ABCA4: variants seen among roughly 807,000 people sequenced by gnomAD.
The protein encoded by ABCA4 is ATP binding cassette subfamily A member 4, also known as retinal-specific phospholipid-transporting ATPase ABCA4.
A neutral mutation model predicts 263.7 loss-of-function variants in ABCA4; 196 were observed. That is an observed-to-expected ratio of 0.74 (90% CI 0.66 to 0.84). The LOEUF (loss-of-function observed/expected upper bound fraction) is 0.84. ABCA4 is among the 40% of genes least tolerant of loss of function. ABCA4 has a pLI of 0.00. For missense variants in ABCA4, 2,792 were observed against 2,855.1 expected, an observed-to-expected ratio of 0.98 and a Z score of 0.50; for synonymous variants, 1,133 against 1,094.2, an observed-to-expected ratio of 1.04 and a Z score of -0.70.
At chr1:94,072,667 T>G (rs1661436319) in intron 11 of ABCA4, among the ~76,000 whole-genome samples, 2 of 152,186 alleles carry the variant, frequency 1.3e-5, no homozygotes, top group African/African-American at 4.8e-5. Context: ...TATTTGCCTG[T>G]ATGAGGACCC....
In ABCA4 at chr1:94,063,406, G is replaced by A. The variant is rs138943027; in HGVS notation, c.1555-89C>T. On this transcript the variant is annotated intron_variant, in intron 11 of 49. Transcript: ENST00000370225. ...CACAGAAAGTCACAGGATAAGGGCT[G>A]CTGTCCCAGGAAATGGTCAAATGCA... 5.7e-5 allele frequency: 73 copies of A among 1,284,860 alleles called. 1 individual carries two copies. In the East Asian group the frequency reaches 1.6e-3, roughly 28 times the overall value. 79.6% of individuals were successfully genotyped at this position (1,284,860 alleles called of 1,614,324 possible). A position where few individuals can be genotyped will look rare whatever the true frequency, so the allele number is the denominator to read the frequency against.
Position 94,002,786 on chromosome 1 carries a change from G to A in ABCA4, c.6148-794C>T, listed in dbSNP as rs74102060. On this transcript the variant is annotated intron_variant, in intron 44 of 49. Coordinates refer to ENST00000370225, the MANE Select transcript of ABCA4 (RefSeq NM_000350.3). ...ACCTCAAAATGCAAACCCTGCCCCA[G>A]CAGTTCCTCCCTGCGTTACTTTTCC... Among the ~76,000 whole-genome samples the A allele has an allele frequency of 0.13, 19,377 of 152,000 alleles. 2,056 individuals carry two copies. Among genetic ancestry groups the A allele is most frequent in the African/African-American group, 0.29 (12,095 of 41,372 alleles).
rs773330082 is a variant in ABCA4, at chr1:94,046,972, CT to C, written c.2864del (p.Glu955GlyfsTer22). 1 of 1,614,146 alleles carries C rather than the reference CT, an allele frequency of 6.2e-7. No homozygotes were observed. On this transcript the variant is annotated frameshift_variant, in exon 19 of 50. Coordinates refer to ENST00000370225, the MANE Select transcript of ABCA4 (RefSeq NM_000350.3). LOFTEE classifies it high-confidence loss of function. ...GGCCCAGGAATGCGGTGATCTGGTT[CT>C]CGTAGAAGGTGATGTTCAGACGGTC... Reference protein sequence around the residue: ...AVDRLNITFYENQITAFLGHN... With the variant: ...AVDRLNITFYXNQITAFLGHN...
In ABCA4 at chr1:94,025,148, G is replaced by A. The variant is rs1325886963; in HGVS notation, c.4540-100C>T. 3 of 945,680 alleles carry A rather than the reference G, an allele frequency of 3.2e-6. No homozygotes were observed. In the African/African-American group the frequency reaches 4.8e-5, roughly 15 times the overall value. 58.6% of individuals were successfully genotyped at this position (945,680 alleles called of 1,614,324 possible). A position where few individuals can be genotyped will look rare whatever the true frequency, so the allele number is the denominator to read the frequency against. On this transcript the variant is annotated intron_variant, in intron 30 of 49. Coordinates refer to ENST00000370225, the MANE Select transcript of ABCA4 (RefSeq NM_000350.3). ...GTCTTCCAAAAATTATTTATGGATT[G>A]AGCTGCTGAGAAAATACTAAATAAA...
Position 94,121,134 on chromosome 1 carries a change from CCGGACG to C in ABCA4, c.-95_-90del. ...AACGCCGTTAAGAGCGCCTCTGGCTCCGGACGCTGTGTCCTTCTCCTGGTGATTAAA... is the reference window on the plus strand; with the variant it reads ...AACGCCGTTAAGAGCGCCTCTGGCTCCTGTGTCCTTCTCCTGGTGATTAAA... On this transcript the variant is annotated 5_prime_UTR_variant, in exon 1 of 50. Coordinates refer to ENST00000370225, the MANE Select transcript of ABCA4 (RefSeq NM_000350.3). 8.5e-7 allele frequency: 1 copy of C among 1,178,638 alleles called. No individual in the cohort carries two copies. The highest frequency in any genetic ancestry group is 1.2e-5 in the South Asian group (1 of 82,224). The allele number at this position is 1,178,638 out of a possible 1,614,324, so 73.0% of individuals were successfully genotyped here.
chr1:94,032,138 T>A (rs1660225277), intron 26 of ABCA4, 95 bp from the exon 27 acceptor site: 6 of 1,477,814 alleles, frequency 4.1e-6, no homozygotes, highest in Non-Finnish European at 4.7e-6. Context: ...TTGATTTTCC[T>A]CTTCATTTAA....
chr1:94,112,178 TC>T (rs1570433778), intron 2 of ABCA4, among the ~76,000 whole-genome samples: 1 of 152,192 alleles, frequency 6.6e-6, no homozygotes, highest in East Asian at 1.9e-4. Flanking sequence ...GTGAAGGCTT[TC>T]CCACAGGGGC....
chr1:94,055,275 T>A lies in ABCA4; in HGVS notation c.2423A>T (p.Tyr808Phe), dbSNP rs1317347413. The A allele has an allele frequency of 6.2e-7, 1 of 1,614,098 alleles. No individual in the cohort carries two copies. The highest frequency in any genetic ancestry group is 1.7e-5 in the Admixed American group (1 of 60,014). ...GCCTTGCTCTTCAAAGCGAACCAGGTACTCAGTGCCAAATCCAAATGCCAC... is the reference window on the plus strand; with the variant it reads ...GCCTTGCTCTTCAAAGCGAACCAGGAACTCAGTGCCAAATCCAAATGCCAC... ...SPVAFGFGTE[Y>F]LVRFEEQGLG... Residue 808 changes from tyrosine to phenylalanine, a missense_variant, in exon 16 of 50, where the codon TAC (tyrosine) becomes TTC (phenylalanine). By Grantham distance (22) the Tyr-to-Phe change is conservative. Coordinates refer to ENST00000370225, the MANE Select transcript of ABCA4 (RefSeq NM_000350.3).
At chr1:94,044,779 G>A (rs1418123009) in intron 19 of ABCA4, 35 bp from the exon 20 acceptor site, 11 of 1,614,154 alleles carry the variant, frequency 6.8e-6, no homozygotes, top group South Asian at 5.5e-5. Flanking sequence ...AGAAGAGATG[G>A]CCTTTAGCAA....
Position 94,048,920 on chromosome 1 carries a change from G to A in ABCA4, c.2691C>T (p.Thr897=). 5.6e-6 allele frequency: 9 copies of A among 1,614,036 alleles called. No individual in the cohort carries two copies. The highest frequency in any genetic ancestry group is 2.7e-5 in the African/African-American group (2 of 74,976). ...CCTCCGTTTCCTCTGTTAGGGGCTC[G>A]GTCTTTTCCAGGGCTCTTTCTTCTC... is the stretch of plus-strand genomic sequence containing the variant. ...STREERALEK[T]EPLTEETEDP... Residue 897 remains threonine (T), a synonymous_variant, in exon 18 of 50, where the codon ACC becomes ACT. Coordinates refer to ENST00000370225, the MANE Select transcript of ABCA4 (RefSeq NM_000350.3).
chr1:94,103,047 G>C lies in ABCA4; in HGVS notation c.538C>G (p.Leu180Val). 6.2e-7 allele frequency: 1 copy of C among 1,614,196 alleles called. No individual in the cohort carries two copies. Among genetic ancestry groups the C allele is most frequent in the South Asian group, 1.1e-5 (1 of 91,084 alleles). Residue 180 changes from leucine to valine, a missense_variant, in exon 5 of 50, where the codon CTT (leucine) becomes GTT (valine). Physicochemically the swap from Leu to Val is conservative, Grantham distance 32. Coordinates refer to ENST00000370225, the MANE Select transcript of ABCA4 (RefSeq NM_000350.3). ...NIGLSDSVVY[L>V]LINSQVRPEQ... is the part of the protein sequence containing the mutation. The stretch of plus-strand genomic sequence containing the variant: ...GGACGGACTTGAGAGTTGATCAGAA[G>C]GTAGACCACTGAGTCAGACAGGCCG...
chr1:94,119,511 G>A (rs1404211838), intron 1 of ABCA4, among the ~76,000 whole-genome samples: 2 of 152,166 alleles, frequency 1.3e-5, no homozygotes, highest in East Asian at 1.9e-4. Context: ...ACCTGCCAGG[G>A]CTTTCTCCTC....
intron 6 of ABCA4, among the ~76,000 whole-genome samples, chr1:94,090,511 A>G (rs17393248): frequency 0.24 from 36,330 of 152,018 alleles, 4,965 homozygotes; most frequent in Non-Finnish European, 0.31. Context: ...CCTACTGGCC[A>G]GAGTCAACTC....
At chr1:94,104,457 C>T (rs1045655824) in intron 4 of ABCA4, among the ~76,000 whole-genome samples, 11 of 152,228 alleles carry the variant, frequency 7.2e-5, no homozygotes, top group African/African-American at 2.4e-4. Flanking sequence ...GGCCAAGAGG[C>T]CTGCCCCTGT....
At chr1:94,039,050 T>A (rs1334072240) in intron 24 of ABCA4, among the ~76,000 whole-genome samples, 1 of 152,208 alleles carries the variant, frequency 6.6e-6, no homozygotes, top group Non-Finnish European at 1.5e-5. Flanking sequence ...ACTTAACATA[T>A]TAGTATCAAT....
At chr1:93,996,321 C>T in intron 48 of ABCA4, 126 bp from the exon 49 acceptor site, 1 of 787,892 alleles carries the variant, frequency 1.3e-6, no homozygotes, top group Non-Finnish European at 2.1e-6. Flanking sequence ...GGCTTGTGTC[C>T]TACCCGGGGG....
intron 6 of ABCA4, among the ~76,000 whole-genome samples, chr1:94,095,627 C>T (rs549619407): frequency 1.4e-4 from 22 of 152,076 alleles, no homozygotes; most frequent in African/African-American, 5.1e-4. Flanking sequence ...TTCAGAGGAT[C>T]GGAGGGTCTG....
intron 11 of ABCA4, among the ~76,000 whole-genome samples, chr1:94,069,525 T>C (rs1661353550): frequency 6.6e-6 from 1 of 152,174 alleles, no homozygotes. Context: ...AAACTCAGGC[T>C]GAGAACAAAG....
intron 21 of ABCA4, among the ~76,000 whole-genome samples, 168 bp downstream of exon 21, chr1:94,043,168 T>C (rs1660565740): frequency 6.6e-6 from 1 of 152,196 alleles, no homozygotes; most frequent in Non-Finnish European, 1.5e-5. Context: ...GAGACAGTGC[T>C]CTGCAGGGAA....
Sources: allele counts gnomAD v4.1 joint callset (sites outside exome capture counted in the v4.1 genomes callset), GRCh38; gene constraint gnomAD v4.1.1; transcripts MANE v1.5; gene names NCBI Gene and HGNC (gene_info 2026-07-23, HGNC 2026-07-21).